The following CDK8 variants were observed in gnomAD, a reference collection of about 807,000 sequenced individuals.
CDK8 encodes cyclin-dependent kinase 8.
CDK8 carries 29 observed loss-of-function variants against 71.5 expected under a neutral mutation model. The ratio of observed to expected loss-of-function variants is 0.41; its 90% CI spans 0.30 to 0.55. CDK8 has a LOEUF of 0.55. Among genes scored for constraint, CDK8 ranks in the 20% least tolerant of loss-of-function variants. The pLI is 0.37. For missense variants in CDK8, 288 were observed against 572.6 expected (o/e 0.50, Z 5.07); for synonymous variants, 161 against 192.1 (o/e 0.84, Z 1.34).
intron 1 of CDK8, among the ~76,000 whole-genome samples, chr13:26,300,673 T>A (rs793120): frequency 0.95 from 144,073 of 152,232 alleles, 68,220 homozygotes; most frequent in East Asian, 1. Flanking sequence ...TTAGAGTAGA[T>A]ACAGGGAAAT....
intron 1 of CDK8, among the ~76,000 whole-genome samples, chr13:26,320,161 A>AG (rs1195308904): frequency 6.6e-6 from 1 of 151,986 alleles, no homozygotes; most frequent in Admixed American, 6.6e-5. Context: ...GCACTTTGGG[A>AG]GGCTGAGGAG....
At chr13:26,258,636 G>C (rs1310423964) in intron 1 of CDK8, among the ~76,000 whole-genome samples, 1 of 151,934 alleles carries the variant, frequency 6.6e-6, no homozygotes, top group Non-Finnish European at 1.5e-5. Flanking sequence ...GTATGACCTT[G>C]GGCAAGTCAT....
intron 4 of CDK8, among the ~76,000 whole-genome samples, chr13:26,372,661 G>T (rs1321453849): frequency 6.6e-6 from 1 of 152,070 alleles, no homozygotes; most frequent in African/African-American, 2.4e-5. Flanking sequence ...GTGGATTCTG[G>T]ACCCATACTC....
intron 1 of CDK8, among the ~76,000 whole-genome samples, chr13:26,258,207 G>C (rs372931605): frequency 6.6e-6 from 1 of 152,086 alleles, no homozygotes; most frequent in East Asian, 1.9e-4. Context: ...TAAGATTAGA[G>C]GATTAGGCGC....
intron 2 of CDK8, among the ~76,000 whole-genome samples, chr13:26,339,829 C>T (rs1432183483): frequency 5.5e-5 from 8 of 146,780 alleles, no homozygotes; most frequent in African/African-American, 2.0e-4. Flanking sequence ...TTGGTGATTG[C>T]TTGGGATTTT....
At chr13:26,344,387 T>C (rs559797697) in intron 2 of CDK8, among the ~76,000 whole-genome samples, 1 of 152,158 alleles carries the variant, frequency 6.6e-6, no homozygotes, top group Non-Finnish European at 1.5e-5. Flanking sequence ...CTAAGGTACA[T>C]ATACATTAGC....
At position 26,339,274 on chromosome 13, in the gene CDK8, C is replaced by T. The variant is rs143049344; in HGVS notation, c.204+1632C>T. ...TTTTATTTCTAGTCTATGATATACT[C>T]AATTAATTTTTGTTTGTGGTATGAT... On this transcript the variant is annotated intron_variant, in intron 2 of 12. Coordinates refer to ENST00000381527, the MANE Select transcript of CDK8 (RefSeq NM_001260.3). Among the ~76,000 whole-genome samples, 478 of 152,046 alleles carry T rather than the reference C, an allele frequency of 3.1e-3. 1 individual carries two copies. Among genetic ancestry groups the T allele is most frequent in the Non-Finnish European group, 5.6e-3 (378 of 67,922 alleles).
intron 1 of CDK8, among the ~76,000 whole-genome samples, chr13:26,294,014 A>T (rs1425477070): frequency 6.6e-6 from 1 of 152,152 alleles, no homozygotes; most frequent in Non-Finnish European, 1.5e-5. Flanking sequence ...AAGTGAGATC[A>T]TGTGGTATTT....
intron 1 of CDK8, among the ~76,000 whole-genome samples, chr13:26,322,564 C>A (rs1051291727): frequency 2.6e-5 from 4 of 152,082 alleles, no homozygotes; most frequent in Admixed American, 2.0e-4. Flanking sequence ...TTTCTTCTTG[C>A]CAGTTTTTAA....
intron 4 of CDK8, among the ~76,000 whole-genome samples, chr13:26,378,073 A>G (rs898685045): frequency 6.6e-6 from 1 of 152,234 alleles, no homozygotes; most frequent in African/African-American, 2.4e-5. Flanking sequence ...TTGCCTTGAT[A>G]CATTAGTAAA....
At chr13:26,373,252 TA>T (rs1328643937) in intron 4 of CDK8, among the ~76,000 whole-genome samples, 1 of 152,198 alleles carries the variant, frequency 6.6e-6, no homozygotes, top group East Asian at 1.9e-4. Context: ...GGGTTTTTTT[TA>T]CATATATTTG....
At chr13:26,397,777 G>A (rs531191313) in intron 9 of CDK8, among the ~76,000 whole-genome samples, 3 of 152,224 alleles carry the variant, frequency 2.0e-5, no homozygotes, top group East Asian at 1.9e-4. Context: ...AATTGAATCC[G>A]TGCACTAACA....
At chr13:26,307,425 G>A (rs1874095480) in intron 1 of CDK8, among the ~76,000 whole-genome samples, 1 of 152,140 alleles carries the variant, frequency 6.6e-6, no homozygotes, top group Admixed American at 6.6e-5. Context: ...GAAGATGGAG[G>A]AAGAGATTCA....
At chr13:26,363,123 C>T (rs1874223898) in intron 4 of CDK8, among the ~76,000 whole-genome samples, 2 of 149,352 alleles carry the variant, frequency 1.3e-5, no homozygotes, top group South Asian at 4.3e-4. Flanking sequence ...AGATCGAGAC[C>T]ATCCTGGCTA....
Position 26,394,537 on chromosome 13 carries a change from G to A in CDK8, c.790+1027G>A, listed in dbSNP as rs141892918. Among the ~76,000 whole-genome samples the A allele has an allele frequency of 6.9e-4, 105 of 152,316 alleles. No homozygotes were observed. The East Asian group carries it at 0.019, about 28-fold the overall frequency. On this transcript the variant is annotated intron_variant, in intron 7 of 12. Coordinates refer to ENST00000381527, the MANE Select transcript of CDK8 (RefSeq NM_001260.3). ...GCCCCCTTGGAGTTTGCATTGTACT[G>A]CTATATGTAGAATGTTTAAAAAGTA...
Position 26,359,107 on chromosome 13 carries a change from G to A in CDK8, c.456+5227G>A, listed in dbSNP as rs9553797. 518 of 213,138 alleles carry A rather than the reference G, an allele frequency of 2.4e-3. 20 individuals carry two copies. In the East Asian group the frequency reaches 0.071, roughly 29 times the overall value. 13.2% of individuals were successfully genotyped at this position (213,138 alleles called of 1,614,324 possible). On this transcript the variant is annotated intron_variant, in intron 4 of 12. Transcript: ENST00000381527. Reference sequence around the variant, plus strand: ...ATGAACCTTGAGGACATTATACTAAGTGAAATAAGCTAGTCACAAAAGGAT... The same window carrying A: ...ATGAACCTTGAGGACATTATACTAAATGAAATAAGCTAGTCACAAAAGGAT...
In CDK8 at chr13:26,385,206, T is replaced by C. The variant is rs1875418867; in HGVS notation, c.515-5T>C. 4 of 1,590,418 alleles carry C rather than the reference T, an allele frequency of 2.5e-6. No individual in the cohort carries two copies. The highest frequency in any genetic ancestry group is 3.4e-6 in the Non-Finnish European group (4 of 1,172,186). Reference sequence around the variant, plus strand: ...TAGCATGATTTTTTTTTTATTATTTTACAGCTGACATGGGCTTTGCCCGAT... The same window carrying C: ...TAGCATGATTTTTTTTTTATTATTTCACAGCTGACATGGGCTTTGCCCGAT... On this transcript the variant is annotated splice_region_variant and splice_polypyrimidine_tract_variant and intron_variant, in intron 5 of 12. Coordinates refer to ENST00000381527, the MANE Select transcript of CDK8 (RefSeq NM_001260.3).
intron 1 of CDK8, among the ~76,000 whole-genome samples, chr13:26,331,690 A>G (rs1460724300): frequency 6.6e-6 from 1 of 152,128 alleles, no homozygotes; most frequent in Non-Finnish European, 1.5e-5. Flanking sequence ...TTTTCTACCA[A>G]TACCATGCTG....
At chr13:26,289,816 C>T (rs892963056) in intron 1 of CDK8, among the ~76,000 whole-genome samples, 1 of 152,312 alleles carries the variant, frequency 6.6e-6, no homozygotes, top group East Asian at 1.9e-4. Flanking sequence ...TCCCAAAGTG[C>T]TGGGATTACA....
Sources: gnomAD v4.1 joint callset for allele counts (sites outside exome capture counted in the v4.1 genomes callset) on GRCh38, gnomAD v4.1.1 for gene constraint, MANE v1.5 for transcripts, NCBI Gene and HGNC (gene_info 2026-07-23, HGNC 2026-07-21) for gene names.